Variants in ATRNL1 observed in about 807,000 individuals in gnomAD.
ATRNL1 encodes attractin like 1.
A neutral mutation model predicts 182.7 loss-of-function variants in ATRNL1; 95 were observed. The observed-to-expected ratio is 0.52, with a 90% CI of 0.44 to 0.62. The LOEUF (loss-of-function observed/expected upper bound fraction) is 0.62, where lower values mean the gene tolerates loss of function less well. Ranked by LOEUF, ATRNL1 falls within the 20% of genes least tolerant of loss-of-function variation. The probability of loss-of-function intolerance (pLI) is 0.00; values close to 1 mark genes in which losing one functional copy is unlikely to be tolerated. For synonymous variants in ATRNL1, 576 were observed against 568.3 expected, an observed-to-expected ratio of 1.01 and a Z score of -0.19; for missense variants, 1,471 against 1,679.5, an observed-to-expected ratio of 0.88 and a Z score of 2.17.
chr10:115,562,812 C>T (rs1313103241), intron 26 of ATRNL1, among the ~76,000 whole-genome samples: 2 of 152,180 alleles, frequency 1.3e-5, no homozygotes, highest in African/African-American at 4.8e-5. Context: ...AGCCGCTTTA[C>T]CAGTCTCAAG....
rs1159621263 is a variant in ATRNL1 at position 115,120,357 on chromosome 10, A to C, written c.377+89A>C. The C allele has an allele frequency of 7.5e-6, 5 of 664,212 alleles. No homozygotes were observed. The East Asian group carries it at 1.5e-4, about 21-fold the overall frequency. The allele number at this position is 664,212 out of a possible 1,614,324, so 41.1% of individuals were successfully genotyped here. On this transcript the variant is annotated intron_variant, in intron 2 of 28. Transcript: ENST00000355044. ...AATGTCAGAGCATTAGAGTATAATT[A>C]CTTTATCATTTAGTTTGTTTATTAT...
intron 27 of ATRNL1, among the ~76,000 whole-genome samples, chr10:115,777,598 T>C (rs1949159204): frequency 1.3e-5 from 2 of 152,158 alleles, no homozygotes; most frequent in Admixed American, 1.3e-4. Flanking sequence ...AATTTAACTC[T>C]AGTTTAACAC....
intron 8 of ATRNL1, among the ~76,000 whole-genome samples, chr10:115,209,011 G>A (rs879995221): frequency 1.1e-4 from 16 of 151,238 alleles, no homozygotes; most frequent in Admixed American, 2.6e-4. Flanking sequence ...AAAATACTAC[G>A]GAAGCAAAAA....
chr10:115,878,270 C>T (rs1951743721), intron 28 of ATRNL1, among the ~76,000 whole-genome samples: 1 of 152,246 alleles, frequency 6.6e-6, no homozygotes, highest in African/African-American at 2.4e-5. Context: ...TTCCAACCAA[C>T]CTAAAGCCAC....
chr10:115,597,157 T>C (rs1043908930), intron 26 of ATRNL1, among the ~76,000 whole-genome samples: 2 of 152,212 alleles, frequency 1.3e-5, no homozygotes, highest in Non-Finnish European at 1.5e-5. Flanking sequence ...AAATGTAAGG[T>C]AATAATTTTT....
intron 15 of ATRNL1, among the ~76,000 whole-genome samples, chr10:115,294,767 G>A (rs1451908819): frequency 6.6e-6 from 1 of 152,178 alleles, no homozygotes; most frequent in Non-Finnish European, 1.5e-5. Flanking sequence ...TCAATGGGGT[G>A]TATTGGTATT....
chr10:115,835,423 C>G (rs1488514604), intron 27 of ATRNL1, among the ~76,000 whole-genome samples: 1 of 152,102 alleles, frequency 6.6e-6, no homozygotes, highest in Admixed American at 6.5e-5. Context: ...TAATTTCTGC[C>G]CTTTTTTGAA....
intron 27 of ATRNL1, among the ~76,000 whole-genome samples, chr10:115,751,191 A>C (rs1555070533): frequency 6.6e-6 from 1 of 152,010 alleles, no homozygotes; most frequent in African/African-American, 2.4e-5. Context: ...GTGCCTTTGA[A>C]GGTGGAAGGG....
At chr10:115,128,376 A>C in intron 4 of ATRNL1, 1 of 311,934 alleles carries the variant, frequency 3.2e-6, no homozygotes, top group Non-Finnish European at 4.7e-6. Flanking sequence ...CTAGAGAGGA[A>C]GTCTATATAT....
chr10:115,715,017 A>G (rs1947205025), intron 26 of ATRNL1, among the ~76,000 whole-genome samples: 4 of 152,198 alleles, frequency 2.6e-5, no homozygotes, highest in African/African-American at 7.2e-5. Context: ...AAGACGCTGC[A>G]AAGTTTTTGG....
intron 12 of ATRNL1, among the ~76,000 whole-genome samples, chr10:115,267,432 G>T (rs1851653763): frequency 2.0e-5 from 3 of 151,434 alleles, no homozygotes; most frequent in Middle Eastern, 6.9e-3. Context: ...AGCATTTCAT[G>T]ACTAATGATC....
At chr10:115,468,561 G>C (rs1554971368) in intron 23 of ATRNL1, among the ~76,000 whole-genome samples, 1 of 119,340 alleles carries the variant, frequency 8.4e-6, no homozygotes, top group African/African-American at 3.1e-5. Flanking sequence ...ATTAACTTCA[G>C]TAAATATTTA....
chr10:115,802,621 T>C (rs1949824106), intron 27 of ATRNL1, among the ~76,000 whole-genome samples: 1 of 152,208 alleles, frequency 6.6e-6, no homozygotes, highest in African/African-American at 2.4e-5. Context: ...TCTCCAGAAG[T>C]ACATTTTTAA....
Position 115,930,406 on chromosome 10 carries a change from T to C in ATRNL1, c.4019-14252T>C, listed in dbSNP as rs369612387. ...ATCCCATAAACTTCAGAACTAGCCATACACAAGCTTCAGAACTAGTCATAC... is the reference window on the plus strand; with the variant it reads ...ATCCCATAAACTTCAGAACTAGCCACACACAAGCTTCAGAACTAGTCATAC... On this transcript the variant is annotated intron_variant, in intron 28 of 28. Coordinates refer to ENST00000355044, the MANE Select transcript of ATRNL1 (RefSeq NM_207303.4). Among the ~76,000 whole-genome samples the C allele has an allele frequency of 6.6e-4, 101 of 152,236 alleles. 1 individual carries two copies. The highest frequency in any genetic ancestry group is 2.1e-3 in the African/African-American group (89 of 41,562).
At chr10:115,683,042 CTAT>C (rs1302149185) in intron 26 of ATRNL1, among the ~76,000 whole-genome samples, 2 of 151,778 alleles carry the variant, frequency 1.3e-5, no homozygotes, top group Non-Finnish European at 2.9e-5. Context: ...TCTCATAAGG[CTAT>C]TATTAAGTAC....
At chr10:115,408,033 G>C (rs368569043) in intron 20 of ATRNL1, among the ~76,000 whole-genome samples, 1,479 of 118,138 alleles carry the variant, frequency 0.013, 29 homozygotes, top group African/African-American at 0.046. Context: ...GTCTCGCTCT[G>C]TCGCCCAGGC....
chr10:115,512,600 G>A (rs1850442320), intron 24 of ATRNL1, among the ~76,000 whole-genome samples: 1 of 151,358 alleles, frequency 6.6e-6, no homozygotes, highest in South Asian at 2.1e-4. Context: ...TCTATATACT[G>A]TCTACCAACT....
chr10:115,704,473 T>C (rs1297763153), intron 26 of ATRNL1, among the ~76,000 whole-genome samples: 3 of 151,934 alleles, frequency 2.0e-5, no homozygotes, highest in Admixed American at 1.3e-4. Flanking sequence ...AACATTACCT[T>C]TTTGGGGAGA....
At chr10:115,655,410 TTAAG>T (rs1593016792) in intron 26 of ATRNL1, among the ~76,000 whole-genome samples, 1 of 152,186 alleles carries the variant, frequency 6.6e-6, no homozygotes, top group African/African-American at 2.4e-5. Context: ...TCCTTATTAA[TTAAG>T]TATTAAGGTT....
Sources: gnomAD v4.1 joint callset for allele counts (sites outside exome capture counted in the v4.1 genomes callset) on GRCh38, gnomAD v4.1.1 for gene constraint, MANE v1.5 for transcripts, NCBI Gene and HGNC (gene_info 2026-07-23, HGNC 2026-07-21) for gene names.